LAP3: variants seen among roughly 807,000 people sequenced by gnomAD.
The protein encoded by LAP3 is leucine aminopeptidase 3.
A neutral mutation model predicts 58.8 loss-of-function variants in LAP3; 46 were observed. That is an observed-to-expected ratio of 0.78 (90% confidence interval 0.62 to 1.00). The LOEUF is 1.00. Ranked by LOEUF, LAP3 falls within the 50% of genes least tolerant of loss-of-function variation. LAP3 has a pLI of 0.00. For synonymous variants in LAP3, 257 were observed against 237.7 expected, an observed-to-expected ratio of 1.08 and a Z score of -0.75; for missense variants, 615 against 659.1, an observed-to-expected ratio of 0.93 and a Z score of 0.73.
intron 11 of LAP3, 102 bp downstream of exon 11, chr4:17,604,769 T>G: frequency 1.1e-6 from 1 of 882,066 alleles, no homozygotes; most frequent in East Asian, 2.6e-5. Flanking sequence ...GTGATTTTTA[T>G]GCCGCAGGTT....
At chr4:17,605,263 A>G (rs1714096794) in intron 11 of LAP3, among the ~76,000 whole-genome samples, 1 of 152,102 alleles carries the variant, frequency 6.6e-6, no homozygotes, top group Non-Finnish European at 1.5e-5. Flanking sequence ...AGCTTCTGTG[A>G]TAATCCTTTC....
chr4:17,590,474 G>A (rs1262001803), intron 7 of LAP3, among the ~76,000 whole-genome samples: 1 of 152,140 alleles, frequency 6.6e-6, no homozygotes, highest in East Asian at 1.9e-4. Flanking sequence ...TCCTGGTATA[G>A]CCCATCAGTA....
In LAP3 at chr4:17,579,859, A is replaced by T. The variant is rs1308318096; in HGVS notation, c.138A>T (p.Glu46Asp). 1 of 1,610,202 alleles carries T rather than the reference A, an allele frequency of 6.2e-7. No homozygotes were observed. Among genetic ancestry groups the T allele is most frequent in the Non-Finnish European group, 8.5e-7 (1 of 1,178,052 alleles). ...TAGGAATCTATTCCAAAGAAAAAGA[A>T]GATGATGTGCCACAGTTCACAAGTG... The part of the protein sequence containing the change: ...LVLGIYSKEK[E>D]DDVPQFTSAG... Residue 46 changes from glutamate (E) to aspartate (D), a missense_variant, in exon 2 of 13, where the codon GAA (glutamate) becomes GAT (aspartate). Glu to Asp is a conservative substitution (Grantham distance 45). Transcript: ENST00000226299.
intron 7 of LAP3, among the ~76,000 whole-genome samples, chr4:17,593,944 A>G (rs571952812): frequency 6.6e-6 from 1 of 152,106 alleles, no homozygotes; most frequent in South Asian, 2.1e-4. Flanking sequence ...AACAAAACCT[A>G]CTGAGATTTT....
Position 17,577,417 on chromosome 4 carries a change from G to C in LAP3, c.-49G>C. Reference sequence around the variant, plus strand: ...CCGCCCCAAGGCGCGCCCGCCCACCGCTCTCCACGTGCTCGCTGGAGGGCG... The same window carrying C: ...CCGCCCCAAGGCGCGCCCGCCCACCCCTCTCCACGTGCTCGCTGGAGGGCG... On this transcript the variant is annotated 5_prime_UTR_variant, in exon 1 of 13. Transcript: ENST00000226299. 3 of 1,417,320 alleles carry C rather than the reference G, an allele frequency of 2.1e-6. No individual in the cohort carries two copies. The South Asian group carries it at 4.0e-5, about 19-fold the overall frequency. The allele number at this position is 1,417,320 out of a possible 1,614,324, so 87.8% of individuals were successfully genotyped here.
intron 10 of LAP3, among the ~76,000 whole-genome samples, chr4:17,604,016 T>C (rs1337228174): frequency 3.3e-5 from 5 of 151,854 alleles, no homozygotes; most frequent in Non-Finnish European, 5.9e-5. Context: ...AGACGGGGTT[T>C]CTACATGTTG....
chr4:17,601,757 C>T (rs1265735640), intron 10 of LAP3, among the ~76,000 whole-genome samples: 2 of 151,978 alleles, frequency 1.3e-5, no homozygotes, highest in East Asian at 1.9e-4. Context: ...TGTAAATATT[C>T]GTTACACTGT....
At chr4:17,579,793 T>A in intron 1 of LAP3, 31 bp from the exon 2 acceptor site, 1 of 1,274,914 alleles carries the variant, frequency 7.8e-7, no homozygotes, top group Non-Finnish European at 1.1e-6. Context: ...ACTCTAATTC[T>A]ATTATATTTA....
chr4:17,585,014 T>C lies in LAP3; in HGVS notation c.582T>C (p.Ser194=), dbSNP rs1462518548. Reference sequence around the variant, plus strand: ...GGCAGAAAGGAGTCCTGTTTGCTTCTGGGCAGAACTTGGCACGCCAATTGA... The same window carrying C: ...GGCAGAAAGGAGTCCTGTTTGCTTCCGGGCAGAACTTGGCACGCCAATTGA... The part of the protein sequence containing the change: ...EAWQKGVLFA[S]GQNLARQLME... Residue 194 remains serine (S), a synonymous_variant, in exon 6 of 13, where the codon TCT becomes TCC. Transcript: ENST00000226299. 1.9e-6 allele frequency: 3 copies of C among 1,614,152 alleles called. No individual in the cohort carries two copies. In the Admixed American group the frequency reaches 5.0e-5, roughly 27 times the overall value.
chr4:17,577,624 G>A, intron 1 of LAP3, 57 bp downstream of exon 1: 1 of 1,329,914 alleles, frequency 7.5e-7, no homozygotes, highest in South Asian at 1.3e-5. Context: ...GTGGGCTACT[G>A]GGGCTGCGGG....
At chr4:17,597,324 G>C (rs1337631906) in intron 9 of LAP3, among the ~76,000 whole-genome samples, 190 bp downstream of exon 9, 1 of 152,198 alleles carries the variant, frequency 6.6e-6, no homozygotes, top group African/African-American at 2.4e-5. Flanking sequence ...CACCCAGGCT[G>C]TAGTGCAGTG....
intron 10 of LAP3, among the ~76,000 whole-genome samples, chr4:17,599,718 T>C (rs181232147): frequency 1.1e-3 from 174 of 152,136 alleles, no homozygotes; most frequent in South Asian, 3.5e-3. Context: ...TTTTTTTTTT[T>C]TTCTTCTGGA....
chr4:17,607,481 C>A lies in LAP3; in HGVS notation c.1452C>A (p.Gly484=). The change falls in exon 13 of 13, where the codon GGC becomes GGA. Residue 484 remains glycine (G), a synonymous_variant. Coordinates refer to ENST00000226299, the MANE Select transcript of LAP3 (RefSeq NM_015907.3). Reference sequence around the variant, plus strand: ...AGTGGGCACATTTAGACATAGCAGGCGTGATGACCAACAAAGATGAAGTTC... The same window carrying A: ...AGTGGGCACATTTAGACATAGCAGGAGTGATGACCAACAAAGATGAAGTTC... ...HPKWAHLDIA[G]VMTNKDEVPY... The A allele has an allele frequency of 1.9e-6, 3 of 1,614,054 alleles. No homozygotes were observed. The highest frequency in any genetic ancestry group is 2.5e-6 in the Non-Finnish European group (3 of 1,179,980).
intron 10 of LAP3, among the ~76,000 whole-genome samples, chr4:17,599,472 G>T (rs985599835): frequency 5.3e-5 from 8 of 152,108 alleles, no homozygotes. Flanking sequence ...AGAGGTGGAG[G>T]TTGTAGTGAG....
chr4:17,583,883 A>G (rs74456686), intron 5 of LAP3, among the ~76,000 whole-genome samples: 2,002 of 152,312 alleles, frequency 0.013, 43 homozygotes, highest in South Asian at 0.041. Flanking sequence ...GATTACAAGG[A>G]AGCCATAACC....
At chr4:17,589,208 G>A (rs1417172382) in intron 7 of LAP3, among the ~76,000 whole-genome samples, 1 of 151,910 alleles carries the variant, frequency 6.6e-6, no homozygotes, top group Non-Finnish European at 1.5e-5. Context: ...TTACAGGCGT[G>A]CACCACCACA....
chr4:17,606,992 T>C, intron 12 of LAP3, 54 bp downstream of exon 12: 1 of 1,194,656 alleles, frequency 8.4e-7, no homozygotes, highest in Non-Finnish European at 1.2e-6. Context: ...ATTGCCAAAA[T>C]AGCTATTTTC....
intron 10 of LAP3, 128 bp downstream of exon 10, chr4:17,598,686 C>T: frequency 1.5e-6 from 1 of 649,424 alleles, no homozygotes; most frequent in South Asian, 1.8e-5. Context: ...AAAGATCTTT[C>T]ACCAGAGGAA....
chr4:17,577,575 G>T lies in LAP3; in HGVS notation c.102+8G>T. ...ACCGCAGACATGACGAAGGTGAGAG[G>T]CGGCGGCTCGCTCATGGTCCGCCGC... On this transcript the variant is annotated splice_region_variant and intron_variant, in intron 1 of 12. Transcript: ENST00000226299. 1 of 1,535,278 alleles carries T rather than the reference G, an allele frequency of 6.5e-7. No homozygotes were observed. Among genetic ancestry groups the T allele is most frequent in the Non-Finnish European group, 8.8e-7 (1 of 1,139,170 alleles).
Sources: gnomAD v4.1 joint callset for allele counts (sites outside exome capture counted in the v4.1 genomes callset) on GRCh38, gnomAD v4.1.1 for gene constraint, MANE v1.5 for transcripts, NCBI Gene and HGNC (gene_info 2026-07-23, HGNC 2026-07-21) for gene names.